Variants in BRAF observed in about 807,000 individuals in gnomAD.
The protein encoded by BRAF is B-Raf proto-oncogene, serine/threonine kinase, also known as serine/threonine-protein kinase B-raf.
Under a neutral mutation model 104.6 loss-of-function variants are expected in BRAF, and 16 were observed. The ratio of observed to expected loss-of-function variants is 0.15; its 90% CI spans 0.10 to 0.23. The LOEUF (loss-of-function observed/expected upper bound fraction) is 0.23, where lower values mean the gene tolerates loss of function less well. Among genes scored for constraint, BRAF ranks in the 10% least tolerant of loss-of-function variants. BRAF has a pLI of 1.00. For synonymous variants in BRAF, 310 were observed against 341.6 expected, an observed-to-expected ratio of 0.91 and a Z score of 1.02; for missense variants, 541 against 937.3, an observed-to-expected ratio of 0.58 and a Z score of 5.52.
chr7:140,847,823 A>G (rs1467243192), intron 2 of BRAF, among the ~76,000 whole-genome samples: 1 of 152,134 alleles, frequency 6.6e-6, no homozygotes, highest in Non-Finnish European at 1.5e-5. Flanking sequence ...GGATTCAAAC[A>G]TGGAGTCTGT....
At chr7:140,775,527 C>T (rs532061049) in intron 14 of BRAF, among the ~76,000 whole-genome samples, 2 of 151,988 alleles carry the variant, frequency 1.3e-5, no homozygotes, top group Non-Finnish European at 2.9e-5. Context: ...TTAGTAGAGA[C>T]GGGGTTTCTC....
chr7:140,920,869 C>G (rs184349421), intron 1 of BRAF, among the ~76,000 whole-genome samples: 70 of 152,280 alleles, frequency 4.6e-4, no homozygotes, highest in Non-Finnish European at 7.9e-4. Context: ...GTGAATATAT[C>G]TGTATAAGTA....
chr7:140,732,244 A>G (rs1483134785), intron 19 of BRAF: 1 of 127,068 alleles, frequency 7.9e-6, no homozygotes, highest in Non-Finnish European at 1.6e-5. Context: ...AAAAAAAAAG[A>G]GGGCTCAGGT....
chr7:140,870,157 T>C (rs949625178), intron 1 of BRAF, among the ~76,000 whole-genome samples: 2 of 152,126 alleles, frequency 1.3e-5, no homozygotes, highest in Non-Finnish European at 2.9e-5. Flanking sequence ...AAATACCAGA[T>C]GCAGAGCACT....
Position 140,924,603 on chromosome 7 carries a change from G to A in BRAF, c.101C>T (p.Ala34Val), listed in dbSNP as rs1424449802. 2 of 1,528,824 alleles carry A rather than the reference G, an allele frequency of 1.3e-6. No homozygotes were observed. Among genetic ancestry groups the A allele is most frequent in the African/African-American group, 2.8e-5 (2 of 72,390 alleles). The allele number at this position is 1,528,824 out of a possible 1,614,324, so 94.7% of individuals were successfully genotyped here. A position where few individuals can be genotyped will look rare whatever the true frequency, so the allele number is the denominator to read the frequency against. ...GGCAGGGTCCGCAGCCGAAGAGGCCGCGGCGCCGGCGCCGGCGCCGGCCTC... is the reference window on the plus strand; with the variant it reads ...GGCAGGGTCCGCAGCCGAAGAGGCCACGGCGCCGGCGCCGGCGCCGGCCTC... Reference protein sequence around the residue: ...EPEAGAGAGAAASSAADPAIP... With the variant: ...EPEAGAGAGAVASSAADPAIP... Residue 34 changes from alanine to valine, a missense_variant, in exon 1 of 20, where the codon GCG (alanine) becomes GTG (valine). This residue lies in a region of BRAF where 82 missense variants were observed against 65.9 expected (regional missense o/e 1.24). Coordinates refer to ENST00000644969, the MANE Select transcript of BRAF (RefSeq NM_001374258.1). The surrounding 1 kb of genome is among the most constrained non-coding windows in gnomAD (Gnocchi z 4.2).
chr7:140,794,197 AC>A, intron 8 of BRAF, 110 bp downstream of exon 8: 1 of 1,298,720 alleles, frequency 7.7e-7, no homozygotes. Context: ...ACTTAAAATA[AC>A]TGTGATAAAT....
chr7:140,833,034 C>T (rs1454418297), intron 3 of BRAF, among the ~76,000 whole-genome samples: 2 of 152,110 alleles, frequency 1.3e-5, no homozygotes, highest in East Asian at 3.9e-4. Context: ...CCACCACGCC[C>T]CGCTAATCTT....
chr7:140,905,543 C>T (rs974766482), intron 1 of BRAF, among the ~76,000 whole-genome samples: 1 of 152,038 alleles, frequency 6.6e-6, no homozygotes, highest in Admixed American at 6.6e-5. Context: ...CCTTATAAAC[C>T]CCATATAACT....
intron 3 of BRAF, among the ~76,000 whole-genome samples, chr7:140,833,071 T>A (rs1413974334): frequency 6.6e-6 from 1 of 152,038 alleles, no homozygotes; most frequent in Non-Finnish European, 1.5e-5. Flanking sequence ...AGCCAAGGTT[T>A]CACCGTGTGT....
Position 140,804,677 on chromosome 7 carries a change from C to T in BRAF, c.712-3117G>A, listed in dbSNP as rs77056728. Among the ~76,000 whole-genome samples the T allele has an allele frequency of 2.0e-3, 309 of 152,242 alleles. 1 individual carries two copies. The highest frequency in any genetic ancestry group is 7.1e-3 in the African/African-American group (295 of 41,528). On this transcript the variant is annotated intron_variant, in intron 5 of 19. Coordinates refer to ENST00000644969, the MANE Select transcript of BRAF (RefSeq NM_001374258.1). ...TTTTACATTATGACTCCATATATAA[C>T]TGTATTCATACAACACTACTTACCC... is the stretch of plus-strand genomic sequence containing the variant.
chr7:140,919,305 C>T (rs934724900), intron 1 of BRAF, among the ~76,000 whole-genome samples: 1 of 152,108 alleles, frequency 6.6e-6, no homozygotes, highest in Non-Finnish European at 1.5e-5. Context: ...GAAAACGACG[C>T]TTTATCCGAT....
At chr7:140,741,509 A>C (rs1796913603) in intron 17 of BRAF, 1 of 152,218 alleles carries the variant, frequency 6.6e-6, no homozygotes, top group Non-Finnish European at 1.5e-5. Context: ...ACCTAGAAGT[A>C]ATAATGGTCC....
At chr7:140,881,469 G>A (rs1812911312) in intron 1 of BRAF, among the ~76,000 whole-genome samples, 1 of 152,154 alleles carries the variant, frequency 6.6e-6, no homozygotes, top group Non-Finnish European at 1.5e-5. Context: ...TGGCCAGGCT[G>A]GTCTCGAACT....
At chr7:140,717,048 G>A (rs1018497262), downstream of BRAF, among the ~76,000 whole-genome samples, 1 of 152,164 alleles carries the variant, frequency 6.6e-6, no homozygotes, top group African/African-American at 2.4e-5. Flanking sequence ...CAACAGTAGG[G>A]ACAAGTGGAG....
chr7:140,808,791 C>T (rs1803922913), intron 4 of BRAF, 101 bp downstream of exon 4: 1 of 955,032 alleles, frequency 1.0e-6, no homozygotes, highest in Non-Finnish European at 1.7e-6. Flanking sequence ...CTAAAGTACA[C>T]TTTCAATTCC....
At chr7:140,761,959 T>C (rs1798783740) in intron 14 of BRAF, among the ~76,000 whole-genome samples, 1 of 152,200 alleles carries the variant, frequency 6.6e-6, no homozygotes, top group Admixed American at 6.5e-5. Flanking sequence ...AACATCCCAC[T>C]GTCAACATTA....
chr7:140,769,674 T>C (rs1305269785), intron 14 of BRAF, among the ~76,000 whole-genome samples: 1 of 152,210 alleles, frequency 6.6e-6, no homozygotes, highest in Non-Finnish European at 1.5e-5. Context: ...ATTTATCAAG[T>C]CTTCTCCTGA....
intron 5 of BRAF, among the ~76,000 whole-genome samples, chr7:140,802,104 A>G (rs978769409): frequency 6.6e-6 from 1 of 152,182 alleles, no homozygotes; most frequent in Admixed American, 6.5e-5. Flanking sequence ...TCTAAAGTTA[A>G]TAAAGCAAGA....
At chr7:140,755,238 T>C (rs748790120) in intron 14 of BRAF, among the ~76,000 whole-genome samples, 1 of 152,222 alleles carries the variant, frequency 6.6e-6, no homozygotes, top group Non-Finnish European at 1.5e-5. Flanking sequence ...TACAATAAGA[T>C]GCATATAATG....
Sources: gnomAD v4.1 joint callset for allele counts (sites outside exome capture counted in the v4.1 genomes callset) on GRCh38, gnomAD v4.1.1 for gene constraint, gnomAD v4.1.1 regional missense constraint, Gnocchi (gnomAD v3.1) non-coding constraint, MANE v1.5 for transcripts, NCBI Gene and HGNC (gene_info 2026-07-23, HGNC 2026-07-21) for gene names.